The following SAMD12 variants were observed in gnomAD, a reference collection of about 807,000 sequenced individuals.
SAMD12 encodes the protein sterile alpha motif domain containing 12.
SAMD12 carries 9 observed loss-of-function variants against 15.0 expected under a neutral mutation model. The ratio of observed to expected loss-of-function variants is 0.60; its 90% CI spans 0.36 to 1.05. The LOEUF (loss-of-function observed/expected upper bound fraction) is 1.05. Among genes scored for constraint, SAMD12 ranks in the 50% least tolerant of loss-of-function variants. SAMD12 has a pLI of 0.01. For synonymous variants in SAMD12, 86 were observed against 90.1 expected (o/e 0.96, Z 0.25); for missense variants, 230 against 234.2 (o/e 0.98, Z 0.12).
At chr8:118,616,793 G>A (rs192117023) in intron 1 of SAMD12, among the ~76,000 whole-genome samples, 3 of 152,280 alleles carry the variant, frequency 2.0e-5, no homozygotes, top group African/African-American at 7.2e-5. Flanking sequence ...AGCAGGATGT[G>A]AGCAGTGAGC....
intron 4 of SAMD12, among the ~76,000 whole-genome samples, chr8:118,283,064 A>G (rs889155157): frequency 5.9e-5 from 9 of 152,286 alleles, no homozygotes; most frequent in East Asian, 1.9e-4. Context: ...GGAATTTCAC[A>G]TGATCTCAAT....
At chr8:118,463,080 G>A (rs1210885179) in intron 2 of SAMD12, among the ~76,000 whole-genome samples, 3 of 137,372 alleles carry the variant, frequency 2.2e-5, no homozygotes, top group Non-Finnish European at 3.1e-5. Context: ...CAGCCTGGGC[G>A]ACAGAGCGAA....
intron 3 of SAMD12, among the ~76,000 whole-genome samples, chr8:118,404,232 C>T (rs1821014141): frequency 6.6e-6 from 1 of 152,142 alleles, no homozygotes; most frequent in Non-Finnish European, 1.5e-5. Context: ...GATTATCTCA[C>T]CTTAGCCTCC....
chr8:118,550,435 A>G (rs1197283487), intron 2 of SAMD12, among the ~76,000 whole-genome samples: 2 of 152,244 alleles, frequency 1.3e-5, no homozygotes, highest in Non-Finnish European at 2.9e-5. Context: ...ATTAAGCTTC[A>G]TAAGTGAAGG....
chr8:118,323,183 GA>G (rs1440676724), intron 4 of SAMD12, among the ~76,000 whole-genome samples: 1 of 152,140 alleles, frequency 6.6e-6, no homozygotes, highest in African/African-American at 2.4e-5. Flanking sequence ...CTTTGATTAG[GA>G]CTGTTAAATG....
At chr8:118,601,258 A>T (rs183797897) in intron 1 of SAMD12, among the ~76,000 whole-genome samples, 2,826 of 152,218 alleles carry the variant, frequency 0.019, 64 homozygotes, top group African/African-American at 0.063. Flanking sequence ...TGCATTTTTT[A>T]AAAAAATTCT....
chr8:118,352,496 A>G (rs1392550580), intron 4 of SAMD12, among the ~76,000 whole-genome samples: 1 of 152,232 alleles, frequency 6.6e-6, no homozygotes, highest in African/African-American at 2.4e-5. Flanking sequence ...CATAGTTCCT[A>G]AGAAATATGT....
At chr8:118,384,650 T>C (rs1415231893) in intron 3 of SAMD12, among the ~76,000 whole-genome samples, 2 of 152,186 alleles carry the variant, frequency 1.3e-5, no homozygotes, top group East Asian at 1.9e-4. Context: ...GAGGATGCAT[T>C]GGAAGGAGGA....
chr8:118,608,869 G>T (rs1214441302), intron 1 of SAMD12, among the ~76,000 whole-genome samples: 3 of 152,126 alleles, frequency 2.0e-5, no homozygotes, highest in Non-Finnish European at 4.4e-5. Flanking sequence ...CCAAGGTAGG[G>T]GAAGTCTCAT....
chr8:118,477,845 C>G (rs1475934168), intron 2 of SAMD12, among the ~76,000 whole-genome samples: 1 of 151,780 alleles, frequency 6.6e-6, no homozygotes. Context: ...AACCCCGTCT[C>G]TACTAAAAAT....
At chr8:118,156,736 C>A in the SAMD12 span, among the ~76,000 whole-genome samples, 1 of 152,062 alleles carries the variant, frequency 6.6e-6, no homozygotes, top group Non-Finnish European at 1.5e-5. Context: ...ATACAAAATG[C>A]TATACAATAT....
At chr8:118,533,746 GA>G (rs1425005294) in intron 2 of SAMD12, among the ~76,000 whole-genome samples, 3 of 152,002 alleles carry the variant, frequency 2.0e-5, no homozygotes, top group Admixed American at 6.6e-5. Context: ...TGTTTTATCA[GA>G]GACTAGAATT....
downstream of SAMD12, among the ~76,000 whole-genome samples, chr8:118,372,988 G>C (rs1404197220): frequency 6.6e-6 from 1 of 152,056 alleles, no homozygotes; most frequent in Non-Finnish European, 1.5e-5. Flanking sequence ...AGGTTGCCAG[G>C]GGCTGGTAGT....
chr8:118,263,163 G>A (rs998060203), intron 4 of SAMD12, among the ~76,000 whole-genome samples: 6 of 152,010 alleles, frequency 3.9e-5, no homozygotes, highest in African/African-American at 1.4e-4. Context: ...CCCTTTCTTA[G>A]TTTTCCTGTT....
intron 1 of SAMD12, among the ~76,000 whole-genome samples, chr8:118,613,162 A>G (rs1466585078): frequency 6.6e-6 from 1 of 152,234 alleles, no homozygotes; most frequent in Non-Finnish European, 1.5e-5. Context: ...CAAAACTTAA[A>G]GAACTACAAT....
intron 3 of SAMD12, among the ~76,000 whole-genome samples, chr8:118,392,686 C>T (rs17829055): frequency 0.68 from 103,103 of 152,044 alleles, 35,702 homozygotes; most frequent in African/African-American, 0.75. Context: ...CAACATGATA[C>T]GCAAATAGAC....
chr8:118,565,264 G>C (rs1483762698), intron 2 of SAMD12, among the ~76,000 whole-genome samples: 1 of 152,132 alleles, frequency 6.6e-6, no homozygotes, highest in East Asian at 1.9e-4. Context: ...GTATAAAACA[G>C]TTAGCCACAG....
At chr8:118,369,139 T>C (rs900152530) in intron 4 of SAMD12, among the ~76,000 whole-genome samples, 1 of 152,206 alleles carries the variant, frequency 6.6e-6, no homozygotes, top group Admixed American at 6.5e-5. Flanking sequence ...GAATAATGGA[T>C]ACTATGTGAT....
At chr8:118,203,224 G>A (rs892837669) in intron 4 of SAMD12, among the ~76,000 whole-genome samples, 1 of 152,186 alleles carries the variant, frequency 6.6e-6, no homozygotes, top group African/African-American at 2.4e-5. Context: ...TCCTATACAT[G>A]GAGTGCCATA....
Sources: allele counts gnomAD v4.1 joint callset (sites outside exome capture counted in the v4.1 genomes callset), GRCh38; gene constraint gnomAD v4.1.1; transcripts MANE v1.5; gene names NCBI Gene and HGNC (gene_info 2026-07-23, HGNC 2026-07-21).